ZCCHC14: variants seen among roughly 807,000 people sequenced by gnomAD.
ZCCHC14 encodes zinc finger CCHC-type containing 14.
In ZCCHC14, 16 loss-of-function variants were observed where a neutral mutation model predicts 85.0. The ratio of observed to expected loss-of-function variants is 0.19; its 90% CI spans 0.13 to 0.29. ZCCHC14 has a LOEUF of 0.29. Ranked by LOEUF, ZCCHC14 falls within the 10% of genes least tolerant of loss-of-function variation. The pLI is 1.00. For synonymous variants in ZCCHC14, 775 were observed against 630.7 expected, an observed-to-expected ratio of 1.23 and a Z score of -3.43; for missense variants, 1,303 against 1,443.5, an observed-to-expected ratio of 0.90 and a Z score of 1.58.
At chr16:87,462,120 T>A (rs115162806) in intron 1 of ZCCHC14, among the ~76,000 whole-genome samples, 180 of 139,376 alleles carry the variant, frequency 1.3e-3, no homozygotes, top group South Asian at 1.8e-3. Flanking sequence ...TCTAAAAAAG[T>A]AAAAAAAAAA....
At chr16:87,462,056 C>G (rs1911286508) in intron 1 of ZCCHC14, among the ~76,000 whole-genome samples, 1 of 149,622 alleles carries the variant, frequency 6.7e-6, no homozygotes, top group Non-Finnish European at 1.5e-5. Flanking sequence ...CTGCTTGAAA[C>G]TATGAGTTTG....
chr16:87,455,796 A>T (rs1055406861), intron 2 of ZCCHC14, among the ~76,000 whole-genome samples: 9 of 152,218 alleles, frequency 5.9e-5, no homozygotes, highest in Non-Finnish European at 1.2e-4. Context: ...CCATACAACC[A>T]TTCTGTTTTC....
intron 1 of ZCCHC14, among the ~76,000 whole-genome samples, chr16:87,475,505 A>G (rs946011511): frequency 7.0e-6 from 1 of 142,346 alleles, no homozygotes; most frequent in African/African-American, 2.6e-5. Context: ...GTGAGCCGAG[A>G]GTGTGCCACT....
rs1243575870 is a variant in ZCCHC14, at chr16:87,412,471, G to A, written c.2250C>T (p.Ala750=). 3 of 1,613,828 alleles carry A rather than the reference G, an allele frequency of 1.9e-6. No homozygotes were observed. Among genetic ancestry groups the A allele is most frequent in the East Asian group, 4.5e-5 (2 of 44,886 alleles). ...DRVLKTAQQP[A]LVVETSTAAT... ...CGGCCGTGCTGGTCTCCACGACCAGGGCCGGTTGCTGTGCTGTCTTCAGCA... is the reference window on the plus strand; with the variant it reads ...CGGCCGTGCTGGTCTCCACGACCAGAGCCGGTTGCTGTGCTGTCTTCAGCA... The change falls in exon 12 of 13, where the codon GCC becomes GCT. Residue 750 remains alanine, a synonymous_variant. Transcript: ENST00000671377.
chr16:87,463,981 A>C (rs902169234), intron 1 of ZCCHC14, among the ~76,000 whole-genome samples: 24 of 152,212 alleles, frequency 1.6e-4, no homozygotes, highest in African/African-American at 5.5e-4. Context: ...CAGCACGCAC[A>C]GCTGAGAGTG....
At chr16:87,463,989 G>A (rs1911399938) in intron 1 of ZCCHC14, among the ~76,000 whole-genome samples, 1 of 152,238 alleles carries the variant, frequency 6.6e-6, no homozygotes, top group Admixed American at 6.5e-5. Context: ...ACAGCTGAGA[G>A]TGAGCTGCCT....
intron 2 of ZCCHC14, among the ~76,000 whole-genome samples, chr16:87,434,159 A>G (rs980588486): frequency 8.5e-5 from 13 of 152,178 alleles, no homozygotes; most frequent in East Asian, 1.9e-4. Flanking sequence ...TTCCACGTAC[A>G]CTGGTGCGTG....
intron 2 of ZCCHC14, among the ~76,000 whole-genome samples, chr16:87,456,884 A>G (rs1161593991): frequency 6.6e-6 from 1 of 152,246 alleles, no homozygotes; most frequent in Non-Finnish European, 1.5e-5. Context: ...GTTTAATGAA[A>G]GTATACCTCC....
intron 1 of ZCCHC14, among the ~76,000 whole-genome samples, chr16:87,480,846 TA>T (rs1912235021): frequency 6.6e-6 from 1 of 152,102 alleles, no homozygotes; most frequent in African/African-American, 2.4e-5. Flanking sequence ...GTATCACAGG[TA>T]ACCGGTGTCC....
chr16:87,491,384 G>GGGCTTGGGATGTACGGCGGA lies in ZCCHC14; in HGVS notation c.570+265_570+284dup, dbSNP rs531742608. Among the ~76,000 whole-genome samples the GGGCTTGGGATGTACGGCGGA allele has an allele frequency of 1.6e-4, 24 of 152,040 alleles. No homozygotes were observed. The highest frequency in any genetic ancestry group is 2.4e-4 in the Non-Finnish European group (16 of 67,988). ...GGTGAGGAGTGCGGGCTTAGGATGG[G>GGGCTTGGGATGTACGGCGGA]GGCTTGGGATGTACGGCGGAGGCTT... is the stretch of plus-strand genomic sequence containing the variant. On this transcript the variant is annotated intron_variant, in intron 1 of 12. Transcript: ENST00000671377. The surrounding 1 kb of genome is among the most constrained non-coding windows in gnomAD (Gnocchi z 5.9).
At chr16:87,462,163 G>C (rs1911294517) in intron 1 of ZCCHC14, among the ~76,000 whole-genome samples, 1 of 148,914 alleles carries the variant, frequency 6.7e-6, no homozygotes, top group Admixed American at 6.7e-5. Context: ...AACTCCTCCA[G>C]AAAGTCAATT....
rs533544373 is a variant in ZCCHC14, at chr16:87,417,585, C to G, written c.1258G>C (p.Ala420Pro). 6.2e-7 allele frequency: 1 copy of G among 1,614,260 alleles called. No homozygotes were observed. Among genetic ancestry groups the G allele is most frequent in the African/African-American group, 1.3e-5 (1 of 75,068 alleles). The change falls in exon 8 of 13, where the codon GCC becomes CCC. Residue 420 changes from alanine to proline, a missense_variant. Ala to Pro is a conservative substitution (Grantham distance 27). Transcript: ENST00000671377. Reference protein sequence around the residue: ...AYRTQMDTSPAILMPSSLQTP... With the variant: ...AYRTQMDTSPPILMPSSLQTP... ...TGCAGACTGGAAGGCATGAGGATGG[C>G]AGGTGATGTGTCCATCTGGGTCCGG...
chr16:87,482,532 A>C (rs1369119679), intron 1 of ZCCHC14, among the ~76,000 whole-genome samples: 1 of 152,242 alleles, frequency 6.6e-6, no homozygotes, highest in South Asian at 2.1e-4. Context: ...AAAATCCCCC[A>C]AAAAAACCCT....
At chr16:87,438,420 A>C (rs890106394) in intron 2 of ZCCHC14, among the ~76,000 whole-genome samples, 7 of 152,228 alleles carry the variant, frequency 4.6e-5, no homozygotes, top group African/African-American at 1.7e-4. Flanking sequence ...TTTTGTGGGC[A>C]ATGTGTTTAC....
At position 87,477,091 on chromosome 16, in the gene ZCCHC14, C is replaced by CG. The variant is rs1912041254; in HGVS notation, c.570+14577_570+14578insC. ...AGTGAGCCAAGATCGCTACATTGTA[C>CG]TCTAGCCTGACAGAGAGAGACTCAG... On this transcript the variant is annotated intron_variant, in intron 1 of 12. Coordinates refer to ENST00000671377, the MANE Select transcript of ZCCHC14 (RefSeq NM_015144.3). Among the ~76,000 whole-genome samples the CG allele has an allele frequency of 2.5e-5, 3 of 121,542 alleles. 1 individual carries two copies. The Admixed American group carries it at 3.1e-4, about 12-fold the overall frequency. The allele number at this position is 121,542 out of a possible 152,430, so 79.7% of individuals were successfully genotyped here.
In ZCCHC14 at chr16:87,474,763, G is replaced by A. The variant is rs1461761520; in HGVS notation, c.571-14632C>T. The stretch of plus-strand genomic sequence containing the variant: ...TGATCGCAGCTGGAAAGCGACAGGA[G>A]AAACCCTGGAAGGGAGAGCACCCTG... On this transcript the variant is annotated intron_variant, in intron 1 of 12. Coordinates refer to ENST00000671377, the MANE Select transcript of ZCCHC14 (RefSeq NM_015144.3). Among the ~76,000 whole-genome samples, 3 of 152,210 alleles carry A rather than the reference G, an allele frequency of 2.0e-5. No homozygotes were observed. In the East Asian group the frequency reaches 5.8e-4, roughly 29 times the overall value.
chr16:87,462,839 G>A (rs950014256), intron 1 of ZCCHC14, among the ~76,000 whole-genome samples: 1 of 152,142 alleles, frequency 6.6e-6, no homozygotes. Flanking sequence ...GGAGGCCGAG[G>A]CAGGCAGATC....
Position 87,420,849 on chromosome 16 carries a change from GTCAGAGCTAT to G in ZCCHC14, c.841-143_841-134del. The stretch of plus-strand genomic sequence containing the variant: ...TGGTCTGATATGATTTACACCTCCC[GTCAGAGCTAT>G]TCTGGGGCCCACATCCACTTAGGGT... On this transcript the variant is annotated intron_variant, in intron 4 of 12. Transcript: ENST00000671377. The surrounding 1 kb of genome is among the most constrained non-coding windows in gnomAD (Gnocchi z 5.0). 1 of 643,142 alleles carries G rather than the reference GTCAGAGCTAT, an allele frequency of 1.6e-6. No individual in the cohort carries two copies. Among genetic ancestry groups the G allele is most frequent in the Non-Finnish European group, 2.6e-6 (1 of 381,980 alleles). The allele number at this position is 643,142 out of a possible 1,614,324, so 39.8% of individuals were successfully genotyped here.
chr16:87,442,993 T>C (rs1009495313), intron 2 of ZCCHC14, among the ~76,000 whole-genome samples: 8 of 152,188 alleles, frequency 5.3e-5, no homozygotes, highest in African/African-American at 1.9e-4. Flanking sequence ...TAAAGTTCTT[T>C]GAACAGAAGG....
Sources: allele counts gnomAD v4.1 joint callset (sites outside exome capture counted in the v4.1 genomes callset), GRCh38; gene constraint gnomAD v4.1.1; non-coding constraint Gnocchi (gnomAD v3.1); transcripts MANE v1.5; gene names NCBI Gene and HGNC (gene_info 2026-07-23, HGNC 2026-07-21).